Variants in ZNF532 observed in about 807,000 individuals in gnomAD.
ZNF532 encodes the protein zinc finger protein 532.
Under a neutral mutation model 89.3 loss-of-function variants are expected in ZNF532, and 22 were observed. The ratio of observed to expected loss-of-function variants is 0.25; its 90% CI spans 0.18 to 0.35. ZNF532 has a LOEUF of 0.35. Among genes scored for constraint, ZNF532 ranks in the 10% least tolerant of loss-of-function variants. The pLI is 1.00. For missense variants in ZNF532, 1,132 were observed against 1,643.4 expected (o/e 0.69, Z 5.38); for synonymous variants, 606 against 649.6 (o/e 0.93, Z 1.02).
intron 3 of ZNF532, among the ~76,000 whole-genome samples, chr18:58,927,261 GAC>G (rs1256174891): frequency 6.6e-6 from 1 of 152,224 alleles, no homozygotes; most frequent in Admixed American, 6.5e-5. Context: ...CGTTGGGACA[GAC>G]AGCTCATTAC....
intron 3 of ZNF532, among the ~76,000 whole-genome samples, chr18:58,928,935 A>G (rs1232607902): frequency 2.6e-5 from 4 of 152,180 alleles, no homozygotes; most frequent in African/African-American, 9.7e-5. Flanking sequence ...TCCTCTTAAA[A>G]CCATGTCTAA....
In ZNF532 at chr18:58,901,050, T is replaced by C. The variant is rs375019453; in HGVS notation, c.-17-17221T>C. Among the ~76,000 whole-genome samples, 27 of 152,348 alleles carry C rather than the reference T, an allele frequency of 1.8e-4. No individual in the cohort carries two copies. The East Asian group carries it at 5.2e-3, about 29-fold the overall frequency. On this transcript the variant is annotated intron_variant, in intron 2 of 9. Coordinates refer to ENST00000591808, the MANE Select transcript of ZNF532 (RefSeq NM_001375912.1). Reference sequence around the variant, plus strand: ...GGCAGTCCTTGCCATGTATAAAATATTAAAATTCAAAAACCATCTGCCTGT... The same window carrying C: ...GGCAGTCCTTGCCATGTATAAAATACTAAAATTCAAAAACCATCTGCCTGT...
In ZNF532 at chr18:58,919,930, A is replaced by C; in HGVS notation, c.1643A>C (p.Gln548Pro). 6.2e-7 allele frequency: 1 copy of C among 1,613,968 alleles called. No individual in the cohort carries two copies. The highest frequency in any genetic ancestry group is 8.5e-7 in the Non-Finnish European group (1 of 1,179,866). ...SELRQVLTKP[Q>P]QQIKQAIINA... ...CTCCGCCAAGTGCTAACCAAACCTCAGCAACAAATAAAGCAGGCAATAATC... is the reference window on the plus strand; with the variant it reads ...CTCCGCCAAGTGCTAACCAAACCTCCGCAACAAATAAAGCAGGCAATAATC... Residue 548 changes from glutamine to proline, a missense_variant, in exon 3 of 10, where the codon CAG becomes CCG. Physicochemically the swap from Gln to Pro is moderately conservative, Grantham distance 76. Around this residue, in one of 9 missense-constraint regions of ZNF532, gnomAD observed 97 missense variants for 143.7 expected, o/e 0.68. Coordinates refer to ENST00000591808, the MANE Select transcript of ZNF532 (RefSeq NM_001375912.1). The surrounding 1 kb of genome is among the most constrained non-coding windows in gnomAD (Gnocchi z 6.1).
intron 2 of ZNF532, among the ~76,000 whole-genome samples, chr18:58,888,761 AATATATATAATT>A (rs1568246014): frequency 0.017 from 156 of 9,400 alleles, 10 homozygotes; most frequent in East Asian, 0.11. Flanking sequence ...ATATAAAATT[AATATATATAATT>A]TATATATATA....
chr18:58,884,781 A>C (rs1338808685), intron 2 of ZNF532, among the ~76,000 whole-genome samples: 2 of 152,186 alleles, frequency 1.3e-5, no homozygotes, highest in East Asian at 3.8e-4. Context: ...AAGGGAAAAA[A>C]AGGCAGTTTG....
intron 8 of ZNF532, chr18:58,980,498 A>G (rs1400632937): frequency 6.6e-6 from 1 of 152,216 alleles, no homozygotes; most frequent in African/African-American, 2.4e-5. Context: ...ATGTGAGGTC[A>G]TCAGGGTTTA....
intron 2 of ZNF532, among the ~76,000 whole-genome samples, chr18:58,897,465 C>T (rs1181948434): frequency 1.3e-5 from 2 of 152,150 alleles, no homozygotes; most frequent in Non-Finnish European, 2.9e-5. Flanking sequence ...GGAACATTTT[C>T]TGACAAATAA....
chr18:58,977,051 C>T (rs1406744332), intron 7 of ZNF532, among the ~76,000 whole-genome samples: 1 of 152,140 alleles, frequency 6.6e-6, no homozygotes, highest in Non-Finnish European at 1.5e-5. Flanking sequence ...GGGGTGCCAG[C>T]TTGTTATTTG....
chr18:58,981,383 G>A lies in ZNF532; in HGVS notation c.3264-87G>A, dbSNP rs186239736. On this transcript the variant is annotated intron_variant, in intron 8 of 9. Transcript: ENST00000591808. ...ATTGGACCTGTCTGTGTGAACTGAC[G>A]GCTAAGGAGGACCTTCGACCGTGAG... The A allele has an allele frequency of 5.9e-4, 900 of 1,524,100 alleles. 1 individual carries two copies. Among genetic ancestry groups the A allele is most frequent in the Non-Finnish European group, 6.8e-4 (774 of 1,130,834 alleles). The allele number at this position is 1,524,100 out of a possible 1,614,324, so 94.4% of individuals were successfully genotyped here. A position where few individuals can be genotyped will look rare whatever the true frequency, so the allele number is the denominator to read the frequency against.
intron 2 of ZNF532, among the ~76,000 whole-genome samples, chr18:58,869,775 T>C (rs1334022386): frequency 6.7e-6 from 1 of 149,858 alleles, no homozygotes; most frequent in Non-Finnish European, 1.5e-5. Context: ...TTTTTTTTTT[T>C]TTTTTTTTGG....
At chr18:58,970,164 G>A (rs143747116) in intron 7 of ZNF532, among the ~76,000 whole-genome samples, 13 of 152,276 alleles carry the variant, frequency 8.5e-5, no homozygotes, top group Non-Finnish European at 1.0e-4. Flanking sequence ...GATTACAGGC[G>A]TGAGCCGCTG....
chr18:58,921,420 A>C (rs545869049), intron 3 of ZNF532, among the ~76,000 whole-genome samples: 21 of 152,324 alleles, frequency 1.4e-4, no homozygotes, highest in African/African-American at 4.8e-4. Context: ...TGCTGATCTT[A>C]CTTTTACAGT....
intron 6 of ZNF532, among the ~76,000 whole-genome samples, chr18:58,950,173 G>C (rs2064024968): frequency 6.6e-6 from 1 of 152,160 alleles, no homozygotes; most frequent in African/African-American, 2.4e-5. Flanking sequence ...TTGGTTTCTA[G>C]AACTCATCTT....
At chr18:58,943,440 A>G (rs1360663481) in intron 5 of ZNF532, among the ~76,000 whole-genome samples, 1 of 146,232 alleles carries the variant, frequency 6.8e-6, no homozygotes, top group African/African-American at 2.5e-5. Context: ...GATTACAGGC[A>G]TAAGCCACCG....
rs1400932503 is a variant in ZNF532 at position 58,986,144 on chromosome 18, G to C, written c.*1678G>C. 1 of 152,622 alleles carries C rather than the reference G, an allele frequency of 6.6e-6. No homozygotes were observed. The highest frequency in any genetic ancestry group is 2.1e-4 in the South Asian group (1 of 4,822). 9.5% of individuals were successfully genotyped at this position (152,622 alleles called of 1,614,324 possible). ...CTCCATCAGTACATGGGTACAATCC[G>C]AGGGTGTGAATTTCAGCTTGAAATT... On this transcript the variant is annotated 3_prime_UTR_variant, in exon 10 of 10. Coordinates refer to ENST00000591808, the MANE Select transcript of ZNF532 (RefSeq NM_001375912.1).
At chr18:58,929,173 T>A (rs1043161031) in intron 3 of ZNF532, among the ~76,000 whole-genome samples, 1 of 152,180 alleles carries the variant, frequency 6.6e-6, no homozygotes, top group African/African-American at 2.4e-5. Context: ...CTCTAAGATG[T>A]TGAAGCATAG....
upstream of ZNF532, chr18:58,864,173 G>A (rs2056228536): frequency 6.6e-6 from 1 of 152,158 alleles, no homozygotes; most frequent in Admixed American, 6.5e-5. Flanking sequence ...GACAGCCCCA[G>A]TTTTCTTCCC....
rs569049432 is a variant in ZNF532 at position 58,959,503 on chromosome 18, C to T, written c.3150+5704C>T. 6.6e-5 allele frequency among the ~76,000 whole-genome samples: 10 copies of T among 152,138 alleles called. No homozygotes were observed. In the South Asian group the frequency reaches 8.3e-4, roughly 13 times the overall value. On this transcript the variant is annotated intron_variant, in intron 7 of 9. Transcript: ENST00000591808. ...CTGGGCTCAAGTGACCTGTCTACCT[C>T]GGCCTCCCAAAGTGCTGGGATTATA...
intron 5 of ZNF532, among the ~76,000 whole-genome samples, chr18:58,944,625 C>T (rs1473031359): frequency 6.6e-6 from 1 of 152,128 alleles, no homozygotes; most frequent in African/African-American, 2.4e-5. Flanking sequence ...GCTGCCCCTC[C>T]TCTCTGCCTG....
Sources: gnomAD v4.1 joint callset for allele counts (sites outside exome capture counted in the v4.1 genomes callset) on GRCh38, gnomAD v4.1.1 for gene constraint, gnomAD v4.1.1 regional missense constraint, Gnocchi (gnomAD v3.1) non-coding constraint, MANE v1.5 for transcripts, NCBI Gene and HGNC (gene_info 2026-07-23, HGNC 2026-07-21) for gene names.